Variants in SV2C observed in about 807,000 individuals in gnomAD.
SV2C encodes the protein solute carrier family 22 member B3.
Under a neutral mutation model 79.7 loss-of-function variants are expected in SV2C, and 49 were observed. The observed-to-expected ratio is 0.61, with a 90% CI of 0.49 to 0.78. SV2C has a LOEUF of 0.78. Among genes scored for constraint, SV2C ranks in the 30% least tolerant of loss-of-function variants. The pLI is 0.00. For missense variants in SV2C, 833 were observed against 912.9 expected, an observed-to-expected ratio of 0.91 and a Z score of 1.13; for synonymous variants, 334 against 333.2, an observed-to-expected ratio of 1.00 and a Z score of -0.03.
At chr5:76,290,426 T>A (rs1747521301) in intron 6 of SV2C, among the ~76,000 whole-genome samples, 1 of 152,198 alleles carries the variant, frequency 6.6e-6, no homozygotes, top group Non-Finnish European at 1.5e-5. Context: ...CCTCTCAGAT[T>A]TATCAAAAAC....
chr5:75,886,275 AATCATATTCTGTCTCTT>A, the SV2C span, among the ~76,000 whole-genome samples: 1 of 152,082 alleles, frequency 6.6e-6, no homozygotes, highest in East Asian at 1.9e-4. Flanking sequence ...AGTTACCAGA[AATCATATTCTGTCTCTT>A]TTTGCTAAGG....
intron 12 of SV2C, among the ~76,000 whole-genome samples, chr5:76,317,441 CAA>C (rs1491579389): frequency 0.012 from 1,787 of 150,872 alleles, 45 homozygotes; most frequent in African/African-American, 0.041. Context: ...CCACCCCCCC[CAA>C]CACACACACA....
intron 4 of SV2C, among the ~76,000 whole-genome samples, chr5:76,224,479 T>A (rs1745182013): frequency 6.6e-6 from 1 of 152,182 alleles, no homozygotes; most frequent in African/African-American, 2.4e-5. Context: ...CATTAGCAAG[T>A]CTTAGTAACT....
intron 1 of SV2C, among the ~76,000 whole-genome samples, chr5:76,088,254 G>A (rs1747261792): frequency 6.6e-6 from 1 of 152,136 alleles, no homozygotes; most frequent in Non-Finnish European, 1.5e-5. Context: ...GAAAATATAA[G>A]ATGCTCAGTT....
chr5:76,032,946 G>A, the SV2C span, among the ~76,000 whole-genome samples: 1 of 152,168 alleles, frequency 6.6e-6, no homozygotes, highest in Non-Finnish European at 1.5e-5. Flanking sequence ...ATTCTAACTG[G>A]TTTGAGATGG....
intron 4 of SV2C, among the ~76,000 whole-genome samples, chr5:76,236,184 G>A (rs1745604443): frequency 6.6e-6 from 1 of 152,188 alleles, no homozygotes; most frequent in South Asian, 2.1e-4. Context: ...ACAATGGATA[G>A]CACGTAAAAG....
chr5:75,910,332 C>T, the SV2C span: 3 of 549,390 alleles, frequency 5.5e-6, no homozygotes, highest in Non-Finnish European at 1.1e-5. Context: ...TCGTAGTCTT[C>T]CCAAAGGAGA....
the SV2C span, among the ~76,000 whole-genome samples, chr5:76,052,588 C>T: frequency 6.6e-6 from 1 of 152,274 alleles, no homozygotes; most frequent in South Asian, 2.1e-4. Flanking sequence ...TCCTTTTGAG[C>T]CCGTCTGATG....
chr5:76,113,611 G>A (rs949106765), intron 1 of SV2C, among the ~76,000 whole-genome samples: 1 of 152,124 alleles, frequency 6.6e-6, no homozygotes. Context: ...AGTCCACTTG[G>A]GAGGATTTAA....
rs1749094915 is a variant in SV2C, at chr5:76,328,995, A to T, written c.*3448A>T. The stretch of plus-strand genomic sequence containing the variant: ...TGGTCAGGCTGGTCTCGAACTCCTG[A>T]CCTCAAGTGATCGGCCCACCTCAGC... On this transcript the variant is annotated 3_prime_UTR_variant, in exon 13 of 13. Transcript: ENST00000502798. 1 of 151,934 alleles carries T rather than the reference A, an allele frequency of 6.6e-6. No individual in the cohort carries two copies. The highest frequency in any genetic ancestry group is 1.5e-5 in the Non-Finnish European group (1 of 67,982). The allele number at this position is 151,934 out of a possible 1,614,324, so 9.4% of individuals were successfully genotyped here. A position where few individuals can be genotyped will look rare whatever the true frequency, so the allele number is the denominator to read the frequency against.
the SV2C span, among the ~76,000 whole-genome samples, chr5:75,970,745 A>G: frequency 1.3e-5 from 2 of 152,146 alleles, no homozygotes; most frequent in African/African-American, 4.8e-5. Context: ...TACCAGAGGT[A>G]CATGGAGGAA....
intron 8 of SV2C, 51 bp downstream of exon 8, chr5:76,291,907 G>A (rs747065832): frequency 3.2e-5 from 42 of 1,316,430 alleles, no homozygotes; most frequent in Admixed American, 7.5e-5. Flanking sequence ...TGTCCACATT[G>A]TAACTCCTAG....
At chr5:75,899,248 C>T in the SV2C span, among the ~76,000 whole-genome samples, 15 of 152,230 alleles carry the variant, frequency 9.9e-5, no homozygotes, top group South Asian at 2.1e-4. Flanking sequence ...GAATGTGTCC[C>T]GGAGATTCTG....
intron 3 of SV2C, among the ~76,000 whole-genome samples, chr5:76,198,406 C>T (rs766355810): frequency 2.0e-5 from 3 of 152,116 alleles, no homozygotes; most frequent in Non-Finnish European, 4.4e-5. Flanking sequence ...TCCTCTCTCA[C>T]TGTGTGTTCT....
At chr5:76,061,420 C>T in the SV2C span, among the ~76,000 whole-genome samples, 1 of 152,004 alleles carries the variant, frequency 6.6e-6, no homozygotes, top group Non-Finnish European at 1.5e-5. Flanking sequence ...CAGTGAATCA[C>T]TGCGTTACCT....
chr5:76,125,957 T>C (rs1256226446), intron 1 of SV2C, among the ~76,000 whole-genome samples: 1 of 152,098 alleles, frequency 6.6e-6, no homozygotes, highest in Non-Finnish European at 1.5e-5. Flanking sequence ...CTTGGGAGGC[T>C]GAGGTGGGAG....
chr5:76,220,565 G>T (rs527945442), intron 4 of SV2C, among the ~76,000 whole-genome samples: 1 of 147,318 alleles, frequency 6.8e-6, no homozygotes, highest in Non-Finnish European at 1.5e-5. Context: ...CCAGCTACTT[G>T]TGAGGCCAAG....
chr5:76,023,302 G>A, the SV2C span, among the ~76,000 whole-genome samples: 11 of 152,098 alleles, frequency 7.2e-5, no homozygotes, highest in Non-Finnish European at 1.5e-4. Context: ...GAGAGACCCC[G>A]TGGGATGAGA....
the SV2C span, among the ~76,000 whole-genome samples, chr5:76,069,817 TTCTC>T: frequency 1.6e-4 from 23 of 147,968 alleles, no homozygotes; most frequent in African/African-American, 3.9e-4. Context: ...CAACCCCCGT[TTCTC>T]TCTCTCTCTC....
Sources: gnomAD v4.1 joint callset for allele counts (sites outside exome capture counted in the v4.1 genomes callset) on GRCh38, gnomAD v4.1.1 for gene constraint, MANE v1.5 for transcripts, NCBI Gene and HGNC (gene_info 2026-07-23, HGNC 2026-07-21) for gene names.